The following SEMA3C variants were observed in gnomAD, a reference collection of about 807,000 sequenced individuals.
SEMA3C encodes semaphorin 3C, also known as semaphorin-3C.
A neutral mutation model predicts 89.4 loss-of-function variants in SEMA3C; 47 were observed. The ratio of observed to expected loss-of-function variants is 0.53; its 90% CI spans 0.42 to 0.67. The LOEUF (loss-of-function observed/expected upper bound fraction) is 0.67. SEMA3C is among the 30% of genes least tolerant of loss of function. The probability of loss-of-function intolerance (pLI) is 0.00; values close to 1 mark genes in which losing one functional copy is unlikely to be tolerated. For synonymous variants in SEMA3C, 310 were observed against 320.2 expected (o/e 0.97, Z 0.34); for missense variants, 839 against 929.1 (o/e 0.90, Z 1.26).
intron 5 of SEMA3C, among the ~76,000 whole-genome samples, chr7:80,813,340 T>C (rs973622160): frequency 6.6e-6 from 1 of 152,176 alleles, no homozygotes; most frequent in African/African-American, 2.4e-5. Context: ...TCCCCTACAA[T>C]GTACAGTGGC....
chr7:80,807,096 C>T (rs1269150085), intron 6 of SEMA3C, among the ~76,000 whole-genome samples: 1 of 151,664 alleles, frequency 6.6e-6, no homozygotes, highest in Non-Finnish European at 1.5e-5. Context: ...ACCATTTTAG[C>T]TTCTTTAAAA....
At chr7:80,809,885 T>TA (rs1391370962) in intron 6 of SEMA3C, among the ~76,000 whole-genome samples, 1 of 151,944 alleles carries the variant, frequency 6.6e-6, no homozygotes, top group African/African-American at 2.4e-5. Context: ...TGATCTCACT[T>TA]ACATGTGGAA....
chr7:80,767,044 A>G (rs1461665668), intron 12 of SEMA3C, among the ~76,000 whole-genome samples: 1 of 152,206 alleles, frequency 6.6e-6, no homozygotes, highest in East Asian at 1.9e-4. Context: ...GTCAAAGGTC[A>G]AAACTGCAAA....
chr7:80,805,202 G>A (rs1789309307), intron 7 of SEMA3C, among the ~76,000 whole-genome samples: 2 of 152,032 alleles, frequency 1.3e-5, no homozygotes, highest in African/African-American at 4.8e-5. Context: ...AACAAAAAGA[G>A]AGGAGGCCCC....
chr7:80,874,664 C>T (rs1230236691), intron 2 of SEMA3C, among the ~76,000 whole-genome samples: 1 of 151,840 alleles, frequency 6.6e-6, no homozygotes, highest in Non-Finnish European at 1.5e-5. Flanking sequence ...GACAGGGTTT[C>T]ACCAGGTTGA....
chr7:80,830,707 G>A (rs1789989791), intron 2 of SEMA3C, among the ~76,000 whole-genome samples: 1 of 152,078 alleles, frequency 6.6e-6, no homozygotes, highest in Non-Finnish European at 1.5e-5. Context: ...AGGGGGCTTG[G>A]GTGCTGAGCA....
At chr7:80,776,369 C>T (rs1473279017) in intron 12 of SEMA3C, among the ~76,000 whole-genome samples, 1 of 152,016 alleles carries the variant, frequency 6.6e-6, no homozygotes. Context: ...TCGTTTTGCA[C>T]TTGCAAACAG....
chr7:80,827,658 T>C (rs1318559938), intron 3 of SEMA3C, among the ~76,000 whole-genome samples, 171 bp from the exon 4 acceptor site: 3 of 152,070 alleles, frequency 2.0e-5, no homozygotes, highest in Non-Finnish European at 4.4e-5. Flanking sequence ...TTTTAACAAT[T>C]ACAATTATTT....
chr7:80,916,919 A>C, intron 1 of SEMA3C, 100 bp from the exon 2 acceptor site: 2 of 936,214 alleles, frequency 2.1e-6, no homozygotes, highest in Non-Finnish European at 3.1e-6. Context: ...CAAAAGAACC[A>C]TCTGAACTTT....
intron 4 of SEMA3C, among the ~76,000 whole-genome samples, chr7:80,818,636 G>T (rs1789670034): frequency 6.6e-6 from 1 of 151,702 alleles, no homozygotes; most frequent in Non-Finnish European, 1.5e-5. Context: ...ACTAACAATA[G>T]CTGATGAGCT....
chr7:80,773,661 T>C (rs1164730550), intron 12 of SEMA3C, among the ~76,000 whole-genome samples: 1 of 152,142 alleles, frequency 6.6e-6, no homozygotes, highest in Non-Finnish European at 1.5e-5. Flanking sequence ...TTAAGCATGG[T>C]GGTCCCACTA....
intron 2 of SEMA3C, among the ~76,000 whole-genome samples, chr7:80,831,993 ATAAT>A (rs1372402741): frequency 6.6e-6 from 1 of 152,180 alleles, no homozygotes; most frequent in Non-Finnish European, 1.5e-5. Context: ...GTAGAATTAG[ATAAT>A]TAATTTAATT....
At chr7:80,881,487 A>G (rs1247621405) in intron 2 of SEMA3C, among the ~76,000 whole-genome samples, 1 of 152,198 alleles carries the variant, frequency 6.6e-6, no homozygotes, top group Non-Finnish European at 1.5e-5. Flanking sequence ...GTTTTATACA[A>G]TACTTACAAG....
chr7:80,893,643 T>C (rs1007956983), intron 2 of SEMA3C, among the ~76,000 whole-genome samples: 2 of 152,102 alleles, frequency 1.3e-5, no homozygotes, highest in African/African-American at 4.8e-5. Flanking sequence ...AATTTTAAAT[T>C]ATTTTATTTA....
chr7:80,869,336 T>C (rs2116038188), intron 2 of SEMA3C, among the ~76,000 whole-genome samples: 1 of 152,298 alleles, frequency 6.6e-6, no homozygotes, highest in East Asian at 1.9e-4. Context: ...CAAGCAGGGA[T>C]TTCTTGGTGT....
intron 15 of SEMA3C, among the ~76,000 whole-genome samples, chr7:80,753,680 A>C (rs1458762667): frequency 6.6e-6 from 1 of 152,218 alleles, no homozygotes; most frequent in Non-Finnish European, 1.5e-5. Context: ...AATTTGGTTC[A>C]AGTTTCCCAT....
intron 2 of SEMA3C, among the ~76,000 whole-genome samples, chr7:80,833,845 T>G (rs748553919): frequency 6.6e-6 from 1 of 152,072 alleles, no homozygotes; most frequent in Non-Finnish European, 1.5e-5. Context: ...GACCCAAGAA[T>G]CTATCATTTG....
chr7:80,915,736 G>A (rs1261577135), intron 2 of SEMA3C: 1 of 115,364 alleles, frequency 8.7e-6, no homozygotes, highest in Non-Finnish European at 1.6e-5. Flanking sequence ...GTGAGACACT[G>A]TCTCAAAAAA....
At chr7:80,895,588 T>C (rs943591688) in intron 2 of SEMA3C, among the ~76,000 whole-genome samples, 1 of 152,200 alleles carries the variant, frequency 6.6e-6, no homozygotes, top group Non-Finnish European at 1.5e-5. Context: ...TCAGTCCTTA[T>C]ATACACATCA....
Sources: gnomAD v4.1 joint callset for allele counts (sites outside exome capture counted in the v4.1 genomes callset) on GRCh38, gnomAD v4.1.1 for gene constraint, MANE v1.5 for transcripts, NCBI Gene and HGNC (gene_info 2026-07-23, HGNC 2026-07-21) for gene names.